VAV2: variants seen among roughly 807,000 people sequenced by gnomAD.
VAV2 encodes the protein guanine nucleotide exchange factor VAV2.
A neutral mutation model predicts 132.5 loss-of-function variants in VAV2; 67 were observed. That is an observed-to-expected ratio of 0.51 (90% confidence interval 0.42 to 0.62). VAV2 has a LOEUF of 0.62. VAV2 is among the 20% of genes least tolerant of loss of function. The pLI is 0.00. For synonymous variants in VAV2, 492 were observed against 443.5 expected, an observed-to-expected ratio of 1.11 and a Z score of -1.37; for missense variants, 938 against 1,153.6, an observed-to-expected ratio of 0.81 and a Z score of 2.71.
chr9:133,809,022 GCCGCCATCTGC>G lies in VAV2; in HGVS notation c.666+7_666+17del, dbSNP rs774202252. 7 of 1,609,340 alleles carry G rather than the reference GCCGCCATCTGC, an allele frequency of 4.3e-6. No individual in the cohort carries two copies. In the East Asian group the frequency reaches 1.3e-4, roughly 31 times the overall value. On this transcript the variant is annotated splice_region_variant and intron_variant, in intron 7 of 29. Coordinates refer to ENST00000371850, the MANE Select transcript of VAV2 (RefSeq NM_001134398.2). ...CAGTGGCCGCTGCCATTTTCCAGTG[GCCGCCATCTGC>G]CCTCACCTTCTCAATGTCCTCCAGG...
chr9:133,952,153 A>C (rs567105918), intron 1 of VAV2, among the ~76,000 whole-genome samples: 11 of 152,244 alleles, frequency 7.2e-5, no homozygotes, highest in Non-Finnish European at 1.2e-4. Context: ...GTAGGGTTTC[A>C]ACATAGGAAT....
chr9:133,772,478 C>T (rs1255561166), intron 25 of VAV2, among the ~76,000 whole-genome samples: 3 of 152,294 alleles, frequency 2.0e-5, no homozygotes, highest in East Asian at 1.9e-4. Context: ...AGGTGCCGAG[C>T]GCAAGCCTGT....
chr9:133,784,265 C>A, intron 18 of VAV2, 52 bp downstream of exon 18: 1 of 1,570,956 alleles, frequency 6.4e-7, no homozygotes. Flanking sequence ...CTCTCAGGGG[C>A]CTGGGCTGGG....
intron 1 of VAV2, among the ~76,000 whole-genome samples, chr9:133,947,377 G>A (rs1768685): frequency 0.4 from 60,940 of 151,894 alleles, 12,358 homozygotes; most frequent in Non-Finnish European, 0.42. Flanking sequence ...TGAGGAGACC[G>A]AGACTCAGGG....
Position 133,928,530 on chromosome 9 carries a change from C to A in VAV2, c.321+10573G>T, listed in dbSNP as rs1242028052. 2.0e-5 allele frequency among the ~76,000 whole-genome samples: 3 copies of A among 152,184 alleles called. No homozygotes were observed. Among genetic ancestry groups the A allele is most frequent in the Non-Finnish European group, 4.4e-5 (3 of 68,038 alleles). The stretch of plus-strand genomic sequence containing the variant: ...GGGAGTGCAAATGAACTCACCGCAG[C>A]ATTAGCATCTCAGAGTCATCAGACC... On this transcript the variant is annotated intron_variant, in intron 2 of 29. Coordinates refer to ENST00000371850, the MANE Select transcript of VAV2 (RefSeq NM_001134398.2). This position sits in a 1 kb window ranked among gnomAD's most constrained non-coding sequence, Gnocchi z 5.4.
At chr9:133,968,513 G>T (rs937945468) in intron 1 of VAV2, among the ~76,000 whole-genome samples, 4 of 152,148 alleles carry the variant, frequency 2.6e-5, no homozygotes, top group Non-Finnish European at 5.9e-5. Context: ...TGAAGAGGAA[G>T]AGAAACGCGC....
chr9:133,937,907 T>G (rs1206254483), intron 2 of VAV2, among the ~76,000 whole-genome samples: 1 of 152,156 alleles, frequency 6.6e-6, no homozygotes, highest in Non-Finnish European at 1.5e-5. Flanking sequence ...GATGGGCTCA[T>G]GAAGAGGTCC....
chr9:133,854,827 G>A (rs1304614206), intron 3 of VAV2, among the ~76,000 whole-genome samples: 1 of 152,216 alleles, frequency 6.6e-6, no homozygotes, highest in Non-Finnish European at 1.5e-5. Flanking sequence ...CAATTAGGCT[G>A]GCCCAGGGAC....
rs894800757 is a variant in VAV2, at chr9:133,883,898, G to A, written c.322-22466C>T. Among the ~76,000 whole-genome samples, 5 of 152,140 alleles carry A rather than the reference G, an allele frequency of 3.3e-5. No individual in the cohort carries two copies. Among genetic ancestry groups the A allele is most frequent in the Admixed American group, 6.5e-5 (1 of 15,274 alleles). ...TACCTGTAATCCCAGCACTTTGGGA[G>A]GCTGAGGCAGGCAGATCACAAGGTC... On this transcript the variant is annotated intron_variant, in intron 2 of 29. Transcript: ENST00000371850. The surrounding 1 kb of genome is among the most constrained non-coding windows in gnomAD (Gnocchi z 4.2).
chr9:133,842,425 C>T (rs993513604), intron 3 of VAV2, among the ~76,000 whole-genome samples: 2 of 152,244 alleles, frequency 1.3e-5, no homozygotes, highest in Admixed American at 6.5e-5. Flanking sequence ...GACTGGCTCA[C>T]GGCCCTAAGG....
Position 133,802,323 on chromosome 9 carries a change from T to TATACACAC in VAV2, c.836+3757_836+3758insGTGTGTAT, listed in dbSNP as rs1554776717. ...GCACACAAACACACAAGCACGCGTG[T>TATACACAC]ACACACACACACACACACACACACA... On this transcript the variant is annotated intron_variant, in intron 9 of 29. Coordinates refer to ENST00000371850, the MANE Select transcript of VAV2 (RefSeq NM_001134398.2). The surrounding 1 kb of genome is among the most constrained non-coding windows in gnomAD (Gnocchi z 5.8). 1.1e-4 allele frequency among the ~76,000 whole-genome samples: 16 copies of TATACACAC among 142,204 alleles called. 1 individual carries two copies. Among genetic ancestry groups the TATACACAC allele is most frequent in the African/African-American group, 3.1e-4 (12 of 38,510 alleles). The allele number at this position is 142,204 out of a possible 152,430, so 93.3% of individuals were successfully genotyped here.
chr9:133,925,290 C>T (rs992961644), intron 2 of VAV2, among the ~76,000 whole-genome samples: 2 of 152,206 alleles, frequency 1.3e-5, no homozygotes, highest in African/African-American at 4.8e-5. Context: ...AATCTTGGGA[C>T]ACTGCAACCT....
chr9:133,811,144 C>A (rs56667955), intron 5 of VAV2, among the ~76,000 whole-genome samples: 5,817 of 152,236 alleles, frequency 0.038, 384 homozygotes, highest in African/African-American at 0.13. Context: ...TCGGGGGAGA[C>A]CCCCCGGTTA....
At chr9:133,793,942 C>T (rs757941407) in intron 12 of VAV2, among the ~76,000 whole-genome samples, 19 of 152,144 alleles carry the variant, frequency 1.2e-4, no homozygotes, top group Non-Finnish European at 2.2e-4. Flanking sequence ...AAAATCCCCC[C>T]AGCCCTGAAG....
intron 2 of VAV2, among the ~76,000 whole-genome samples, chr9:133,898,426 TA>T (rs145274619): frequency 6.9e-6 from 1 of 144,044 alleles, no homozygotes. Flanking sequence ...TTGTCTCTAC[TA>T]AAAAAAAAAT....
At chr9:133,784,510 C>T (rs1256260948) in intron 17 of VAV2, 92 bp from the exon 18 acceptor site, 1 of 1,388,832 alleles carries the variant, frequency 7.2e-7, no homozygotes, top group African/African-American at 1.4e-5. Flanking sequence ...GGCTCCGGAC[C>T]CAGGCTGTGC....
intron 1 of VAV2, among the ~76,000 whole-genome samples, chr9:133,973,150 G>T (rs528184371): frequency 5.3e-5 from 8 of 152,154 alleles, no homozygotes; most frequent in African/African-American, 1.9e-4. Flanking sequence ...AGGTCCATGG[G>T]CACAGGGGAT....
chr9:133,900,585 A>G (rs908300885), intron 2 of VAV2, among the ~76,000 whole-genome samples: 2 of 151,998 alleles, frequency 1.3e-5, no homozygotes, highest in African/African-American at 2.4e-5. Flanking sequence ...CCCAGAAGGA[A>G]GGGGCGCGGC....
chr9:133,980,239 G>C (rs1018475152), intron 1 of VAV2, among the ~76,000 whole-genome samples: 3 of 152,196 alleles, frequency 2.0e-5, no homozygotes, highest in Admixed American at 2.0e-4. Context: ...GCGCTCCAGA[G>C]GCAAGAGACC....
Sources: allele counts gnomAD v4.1 joint callset (sites outside exome capture counted in the v4.1 genomes callset), GRCh38; gene constraint gnomAD v4.1.1; non-coding constraint Gnocchi (gnomAD v3.1); transcripts MANE v1.5; gene names NCBI Gene and HGNC (gene_info 2026-07-23, HGNC 2026-07-21).